The following CAMTA1 variants were observed in gnomAD, a reference collection of about 807,000 sequenced individuals.
CAMTA1 encodes calmodulin binding transcription activator 1.
A neutral mutation model predicts 170.9 loss-of-function variants in CAMTA1; 27 were observed. The ratio of observed to expected loss-of-function variants is 0.16; its 90% CI spans 0.12 to 0.22. The LOEUF (loss-of-function observed/expected upper bound fraction) is 0.22. Among genes scored for constraint, CAMTA1 ranks in the 10% least tolerant of loss-of-function variants. CAMTA1 has a pLI of 1.00. For synonymous variants in CAMTA1, 833 were observed against 891.5 expected (o/e 0.93, Z 1.17); for missense variants, 1,619 against 2,217.2 (o/e 0.73, Z 5.42).
intron 7 of CAMTA1, among the ~76,000 whole-genome samples, chr1:7,646,389 T>TTGGAGGCCCTGGTGAGTTGGG (rs1454319117): frequency 2.2e-5 from 2 of 92,782 alleles, no homozygotes; most frequent in African/African-American, 8.4e-5. Context: ...GTGAGTGTGG[T>TTGGAGGCCCTGGTGAGTTGGG]TGGAGGCCCT....
rs147121736 is a variant in CAMTA1 at position 7,383,032 on chromosome 1, C to T, written c.439-84798C>T. On this transcript the variant is annotated intron_variant, in intron 5 of 22. Coordinates refer to ENST00000303635, the MANE Select transcript of CAMTA1 (RefSeq NM_015215.4). ...CTGGGAATATAATGATGAACAAAACCAGACCATCTCCATGCTTGTGTGGAG... is the reference window on the plus strand; with the variant it reads ...CTGGGAATATAATGATGAACAAAACTAGACCATCTCCATGCTTGTGTGGAG... Among the ~76,000 whole-genome samples, 1,149 of 152,280 alleles carry T rather than the reference C, an allele frequency of 7.5e-3. 10 individuals are homozygous for T. Among genetic ancestry groups the T allele is most frequent in the Middle Eastern group, 0.024 (7 of 294 alleles).
At chr1:7,543,146 T>C (rs2094638679) in intron 6 of CAMTA1, among the ~76,000 whole-genome samples, 1 of 152,186 alleles carries the variant, frequency 6.6e-6, no homozygotes, top group Admixed American at 6.5e-5. Context: ...GGATTACAGG[T>C]GTGAAACACC....
chr1:7,028,438 A>G (rs559831069), intron 3 of CAMTA1, among the ~76,000 whole-genome samples: 18 of 152,262 alleles, frequency 1.2e-4, no homozygotes, highest in African/African-American at 3.6e-4. Flanking sequence ...TGGTTTCTCC[A>G]ACTTCTGAGG....
At chr1:7,676,626 C>T (rs1288038550) in intron 10 of CAMTA1, among the ~76,000 whole-genome samples, 1 of 152,238 alleles carries the variant, frequency 6.6e-6, no homozygotes, top group East Asian at 1.9e-4. Context: ...CGCATGTCCT[C>T]CCTGGAAGTC....
intron 4 of CAMTA1, among the ~76,000 whole-genome samples, chr1:7,103,622 C>T (rs969318282): frequency 6.8e-6 from 1 of 147,248 alleles, no homozygotes; most frequent in Non-Finnish European, 1.5e-5. Context: ...CACACACGCA[C>T]ACACAACTAC....
At chr1:7,472,996 G>A (rs1319065975) in intron 6 of CAMTA1, among the ~76,000 whole-genome samples, 1 of 152,190 alleles carries the variant, frequency 6.6e-6, no homozygotes, top group Non-Finnish European at 1.5e-5. Context: ...CCTTCTCCAT[G>A]GGGCTGCCTC....
At chr1:7,465,111 G>A (rs2093179742) in intron 5 of CAMTA1, among the ~76,000 whole-genome samples, 1 of 152,300 alleles carries the variant, frequency 6.6e-6, no homozygotes, top group Admixed American at 6.5e-5. Flanking sequence ...CGTTCAGGGT[G>A]CCACGGGCAA....
chr1:7,440,237 G>A (rs12025567), intron 5 of CAMTA1, among the ~76,000 whole-genome samples: 11,114 of 152,336 alleles, frequency 0.073, 680 homozygotes, highest in East Asian at 0.27. Context: ...CATGGGAGCC[G>A]ATGCGGCTTC....
At chr1:6,845,242 G>T (rs972071996) in intron 3 of CAMTA1, among the ~76,000 whole-genome samples, 3 of 152,166 alleles carry the variant, frequency 2.0e-5, no homozygotes, top group Non-Finnish European at 4.4e-5. Context: ...GATGGTCCAG[G>T]GGCTTCTGTT....
chr1:6,899,088 C>T (rs1000799928), intron 3 of CAMTA1, among the ~76,000 whole-genome samples: 1 of 152,126 alleles, frequency 6.6e-6, no homozygotes, highest in Non-Finnish European at 1.5e-5. Context: ...GGGTTTGCTG[C>T]CATTGATAGC....
At chr1:7,654,722 TA>T in intron 7 of CAMTA1, among the ~76,000 whole-genome samples, 1 of 128,334 alleles carries the variant, frequency 7.8e-6, no homozygotes, top group East Asian at 2.5e-4. Flanking sequence ...CACCCACCTA[TA>T]CACACACCCA....
chr1:6,845,062 C>T (rs1002548062), intron 3 of CAMTA1, among the ~76,000 whole-genome samples: 15 of 152,178 alleles, frequency 9.9e-5, no homozygotes, highest in African/African-American at 3.6e-4. Flanking sequence ...GAAAGCACCT[C>T]TCCTGAAGCA....
intron 3 of CAMTA1, among the ~76,000 whole-genome samples, chr1:6,920,938 A>G (rs528757783): frequency 1.8e-4 from 28 of 152,348 alleles, no homozygotes; most frequent in African/African-American, 6.5e-4. Context: ...AGAGGCTAGC[A>G]TGAAGACCTC....
intron 6 of CAMTA1, among the ~76,000 whole-genome samples, chr1:7,488,108 T>C (rs1252407823): frequency 6.6e-6 from 1 of 152,236 alleles, no homozygotes; most frequent in African/African-American, 2.4e-5. Flanking sequence ...AGAACCTCTC[T>C]AGAATCTCTC....
At chr1:6,840,000 A>C (rs767504783) in intron 3 of CAMTA1, among the ~76,000 whole-genome samples, 3 of 152,186 alleles carry the variant, frequency 2.0e-5, no homozygotes, top group Non-Finnish European at 4.4e-5. Context: ...CAGGAGTTCA[A>C]GACCAGCGTG....
chr1:7,424,454 G>C (rs555031053), intron 5 of CAMTA1, among the ~76,000 whole-genome samples: 3 of 151,810 alleles, frequency 2.0e-5, no homozygotes, highest in African/African-American at 4.8e-5. Context: ...GAGGATGAGG[G>C]GGGGTGGGGG....
chr1:7,659,367 C>T (rs1167702333), intron 7 of CAMTA1, among the ~76,000 whole-genome samples: 1 of 152,142 alleles, frequency 6.6e-6, no homozygotes, highest in Non-Finnish European at 1.5e-5. Context: ...AACCCCATCT[C>T]TACTAAAAAT....
intron 5 of CAMTA1, among the ~76,000 whole-genome samples, chr1:7,341,128 C>T (rs560315601): frequency 6.6e-6 from 1 of 152,326 alleles, no homozygotes; most frequent in African/African-American, 2.4e-5. Flanking sequence ...TGGAACATTT[C>T]CTAAAGGGCT....
intron 10 of CAMTA1, among the ~76,000 whole-genome samples, chr1:7,676,388 C>A (rs915697372): frequency 6.6e-6 from 1 of 152,220 alleles, no homozygotes; most frequent in Non-Finnish European, 1.5e-5. Context: ...CTCCCGAAGG[C>A]CTTCCCTGGG....
Sources: gnomAD v4.1 joint callset for allele counts (sites outside exome capture counted in the v4.1 genomes callset) on GRCh38, gnomAD v4.1.1 for gene constraint, MANE v1.5 for transcripts, NCBI Gene and HGNC (gene_info 2026-07-23, HGNC 2026-07-21) for gene names.